Variants in CCDC171 observed in about 807,000 individuals in gnomAD.
The protein encoded by CCDC171 is coiled-coil domain-containing protein 171.
Under a neutral mutation model 168.2 loss-of-function variants are expected in CCDC171, and 177 were observed. The observed-to-expected ratio is 1.05, with a 90% CI of 0.93 to 1.19. The LOEUF (loss-of-function observed/expected upper bound fraction) is 1.19, where lower values mean the gene tolerates loss of function less well. Ranked by LOEUF, CCDC171 falls within the 50% of genes most tolerant of loss-of-function variation. The pLI is 0.00. For missense variants in CCDC171, 1,991 were observed against 1,539.0 expected (o/e 1.29, Z -4.91); for synonymous variants, 687 against 540.8 (o/e 1.27, Z -3.75).
chr9:15,874,089 TC>T lies in CCDC171; in HGVS notation c.3469-442del, dbSNP rs369153872. Among the ~76,000 whole-genome samples the T allele has an allele frequency of 1.8e-3, 271 of 152,284 alleles. 2 individuals are homozygous for T. Among genetic ancestry groups the T allele is most frequent in the African/African-American group, 6.1e-3 (253 of 41,566 alleles). On this transcript the variant is annotated intron_variant, in intron 23 of 25. Transcript: ENST00000380701. ...TCTAGAGTACATGTTATTGAAGTTT[TC>T]TTTTCAAAGACTAGTACCTAATAAC...
chr9:16,031,728 C>T (rs1488530160), intron 6 of CCDC171, among the ~76,000 whole-genome samples: 1 of 152,158 alleles, frequency 6.6e-6, no homozygotes, highest in Admixed American at 6.5e-5. Context: ...TAACCACTTC[C>T]TGAGGGGTCG....
At chr9:16,065,057 T>A (rs1218359002), downstream of CCDC171, among the ~76,000 whole-genome samples, 1 of 152,190 alleles carries the variant, frequency 6.6e-6, no homozygotes, top group Non-Finnish European at 1.5e-5. Flanking sequence ...GCCCTTAATA[T>A]CTTGTGGGGG....
rs558557310 is a variant in CCDC171 at position 15,568,861 on chromosome 9, T to C, written c.42-2763T>C. Reference sequence around the variant, plus strand: ...CCCATTCTCTAGGCTGTTTAAACTGTTGATAGTTTCTTTTGCCACGAAGAA... The same window carrying C: ...CCCATTCTCTAGGCTGTTTAAACTGCTGATAGTTTCTTTTGCCACGAAGAA... On this transcript the variant is annotated intron_variant, in intron 2 of 25. Coordinates refer to ENST00000380701, the MANE Select transcript of CCDC171 (RefSeq NM_173550.4). 2.4e-4 allele frequency among the ~76,000 whole-genome samples: 36 copies of C among 152,308 alleles called. No individual in the cohort carries two copies. The South Asian group carries it at 7.3e-3, about 31-fold the overall frequency.
At chr9:15,600,083 A>C (rs970355434) in intron 6 of CCDC171, among the ~76,000 whole-genome samples, 2 of 152,130 alleles carry the variant, frequency 1.3e-5, no homozygotes, top group African/African-American at 4.8e-5. Flanking sequence ...CATGGGTTCG[A>C]ACTTCCTCCT....
chr9:15,846,630 T>G, intron 21 of CCDC171, 72 bp from the exon 22 acceptor site: 1 of 1,481,866 alleles, frequency 6.7e-7, no homozygotes. Flanking sequence ...CTTCTTTGTT[T>G]AATAGCCTAT....
chr9:15,565,458 G>C (rs1413175865), intron 2 of CCDC171, among the ~76,000 whole-genome samples: 1 of 152,128 alleles, frequency 6.6e-6, no homozygotes. Flanking sequence ...AGCTGGAACT[G>C]TAGGCACGCA....
chr9:15,874,459 C>T, intron 23 of CCDC171, 73 bp from the exon 24 acceptor site: 1 of 1,370,972 alleles, frequency 7.3e-7, no homozygotes. Flanking sequence ...TCAGTGGGCT[C>T]AAGGGGACCC....
chr9:16,103,606 G>A, the CCDC171 span, among the ~76,000 whole-genome samples: 3 of 152,240 alleles, frequency 2.0e-5, no homozygotes, highest in Admixed American at 6.5e-5. Context: ...GGCAGAGGAC[G>A]TGGCTTGGGA....
intron 25 of CCDC171, among the ~76,000 whole-genome samples, chr9:15,964,813 T>C (rs1830645393): frequency 6.6e-6 from 1 of 152,162 alleles, no homozygotes; most frequent in Admixed American, 6.5e-5. Context: ...CAGGCTGGAG[T>C]GCAATGGCGC....
At chr9:15,794,924 A>G (rs2058474290) in intron 21 of CCDC171, among the ~76,000 whole-genome samples, 1 of 152,202 alleles carries the variant, frequency 6.6e-6, no homozygotes, top group East Asian at 1.9e-4. Flanking sequence ...CTTGTAATGT[A>G]TGTTTCTCCT....
intron 8 of CCDC171, among the ~76,000 whole-genome samples, chr9:15,663,802 T>G (rs947747413): frequency 6.6e-6 from 1 of 152,008 alleles, no homozygotes; most frequent in African/African-American, 2.4e-5. Flanking sequence ...GAGATGGGGT[T>G]TCACCGTGTT....
rs1831407951 is a variant in CCDC171 at position 15,971,980 on chromosome 9, T to C, written c.*144T>C. The C allele has an allele frequency of 3.2e-6, 2 of 617,686 alleles. No homozygotes were observed. Among genetic ancestry groups the C allele is most frequent in the South Asian group, 4.7e-5 (2 of 42,444 alleles). 38.3% of individuals were successfully genotyped at this position (617,686 alleles called of 1,614,324 possible). ...TGTGCGCTATCTTGATGTATTCTGG[T>C]AGCTCTGTCTCCTTGAATAAGGAAA... On this transcript the variant is annotated 3_prime_UTR_variant, in exon 26 of 26. Transcript: ENST00000380701.
At chr9:16,100,808 C>G in the CCDC171 span, among the ~76,000 whole-genome samples, 1 of 152,138 alleles carries the variant, frequency 6.6e-6, no homozygotes, top group Non-Finnish European at 1.5e-5. Flanking sequence ...GCCCCCCACC[C>G]CGCCCCCCAC....
intron 24 of CCDC171, among the ~76,000 whole-genome samples, chr9:15,919,926 C>G (rs1044480182): frequency 1.3e-5 from 2 of 151,712 alleles, no homozygotes; most frequent in South Asian, 4.1e-4. Context: ...TTGCACCTCT[C>G]TTAAGATGGA....
At chr9:15,759,596 A>C (rs2056336111) in intron 18 of CCDC171, among the ~76,000 whole-genome samples, 1 of 152,052 alleles carries the variant, frequency 6.6e-6, no homozygotes, top group Non-Finnish European at 1.5e-5. Context: ...CTTGCCCATG[A>C]TCTTGGCCTT....
At chr9:15,926,310 C>A (rs2132073764) in intron 25 of CCDC171, among the ~76,000 whole-genome samples, 1 of 151,390 alleles carries the variant, frequency 6.6e-6, no homozygotes, top group Non-Finnish European at 1.5e-5. Context: ...ATTTTAGTTC[C>A]ATTCCCCCTC....
At chr9:15,811,299 C>T (rs1046821937) in intron 21 of CCDC171, among the ~76,000 whole-genome samples, 2 of 152,162 alleles carry the variant, frequency 1.3e-5, no homozygotes, top group Non-Finnish European at 2.9e-5. Flanking sequence ...CCTTTGAAGG[C>T]AAAAACTATA....
At chr9:15,721,101 A>G (rs1588136290) in intron 11 of CCDC171, among the ~76,000 whole-genome samples, 1 of 152,222 alleles carries the variant, frequency 6.6e-6, no homozygotes, top group East Asian at 1.9e-4. Context: ...TGAGGGCATA[A>G]CATGGAAATG....
chr9:15,809,469 G>C (rs949946538), intron 21 of CCDC171, among the ~76,000 whole-genome samples: 8 of 152,184 alleles, frequency 5.3e-5, no homozygotes, highest in Non-Finnish European at 1.2e-4. Flanking sequence ...CTTAAAGATG[G>C]TGTGTCTGGA....
Sources: allele counts gnomAD v4.1 joint callset (sites outside exome capture counted in the v4.1 genomes callset), GRCh38; gene constraint gnomAD v4.1.1; transcripts MANE v1.5; gene names NCBI Gene and HGNC (gene_info 2026-07-23, HGNC 2026-07-21).